RUNX3: variants seen among roughly 807,000 people sequenced by gnomAD.
RUNX3 encodes RUNX family transcription factor 3.
Under a neutral mutation model 27.7 loss-of-function variants are expected in RUNX3, and 10 were observed. The ratio of observed to expected loss-of-function variants is 0.36; its 90% CI spans 0.22 to 0.61. The LOEUF is 0.61. RUNX3 is among the 20% of genes least tolerant of loss of function. RUNX3 has a pLI of 0.72. For synonymous variants in RUNX3, 270 were observed against 269.2 expected, an observed-to-expected ratio of 1.00 and a Z score of -0.03; for missense variants, 469 against 629.5, an observed-to-expected ratio of 0.75 and a Z score of 2.73.
intron 3 of RUNX3, among the ~76,000 whole-genome samples, chr1:24,909,974 C>T (rs531263981): frequency 1.4e-4 from 21 of 152,322 alleles, no homozygotes; most frequent in Non-Finnish European, 1.8e-4. Context: ...GTGGGATTTC[C>T]TGGACCTGGG....
chr1:24,935,529 GA>G (rs977220984), intron 2 of RUNX3, among the ~76,000 whole-genome samples: 2 of 152,202 alleles, frequency 1.3e-5, no homozygotes, highest in African/African-American at 4.8e-5. Context: ...GGGAGGCAAG[GA>G]CGGAGAAAAG....
chr1:24,925,664 A>T (rs1557844757), intron 2 of RUNX3, among the ~76,000 whole-genome samples: 3 of 152,182 alleles, frequency 2.0e-5, no homozygotes. Flanking sequence ...GAGCCTCTGA[A>T]GGCTGAACGC....
upstream of RUNX3, among the ~76,000 whole-genome samples, chr1:24,934,000 G>A (rs1253469700): frequency 2.0e-5 from 3 of 152,162 alleles, no homozygotes; most frequent in Admixed American, 2.0e-4. Context: ...CCCTCACTGA[G>A]CCTCAATTTC....
rs1439658880 is a variant in RUNX3, at chr1:24,904,393, TAAG to T, written c.704-1730_704-1728del. Among the ~76,000 whole-genome samples the T allele has an allele frequency of 2.0e-5, 3 of 152,002 alleles. No individual in the cohort carries two copies. The highest frequency in any genetic ancestry group is 2.1e-4 in the South Asian group (1 of 4,822). Reference sequence around the variant, plus strand: ...ACGGAGTGATGCTCCTGGCTTAAGGTAAGAAGATGTGGGGACAGCAGTCTGGGT... The same window carrying T: ...ACGGAGTGATGCTCCTGGCTTAAGGTAAGATGTGGGGACAGCAGTCTGGGT... On this transcript the variant is annotated intron_variant, in intron 4 of 4. Coordinates refer to ENST00000308873, the MANE Select transcript of RUNX3 (RefSeq NM_004350.3). This position sits in a 1 kb window ranked among gnomAD's most constrained non-coding sequence, Gnocchi z 5.7.
chr1:24,929,410 A>G (rs1293313102), intron 1 of RUNX3, 177 bp downstream of exon 1: 1 of 733,740 alleles, frequency 1.4e-6, no homozygotes, highest in Non-Finnish European at 2.4e-6. Flanking sequence ...GGCGCATCCA[A>G]AACGGAACGC....
chr1:24,902,444 G>T lies in RUNX3; in HGVS notation c.926C>A (p.Pro309Gln), dbSNP rs769885411. 1.2e-6 allele frequency: 2 copies of T among 1,609,028 alleles called. No individual in the cohort carries two copies. Among genetic ancestry groups the T allele is most frequent in the Middle Eastern group, 1.7e-4 (1 of 6,042 alleles). The change falls in exon 5 of 5, where the codon CCG becomes CAG. Residue 309 changes from proline (P) to glutamine (Q), a missense_variant. Pro to Gln is a moderately conservative substitution (Grantham distance 76, BLOSUM62 -1). This residue lies in a region of RUNX3 where 279 missense variants were observed against 343.0 expected (regional missense o/e 0.81). Coordinates refer to ENST00000308873, the MANE Select transcript of RUNX3 (RefSeq NM_004350.3). This position sits in a 1 kb window ranked among gnomAD's most constrained non-coding sequence, Gnocchi z 9.2. ...CTGCGGGGCCCCCGGGTAGGGTGGC[G>T]GGAGGTAGGTATGGTGGAAGCGGCT... ...ATSRFHHTYL[P>Q]PPYPGAPQNQ...
intron 2 of RUNX3, among the ~76,000 whole-genome samples, chr1:24,961,051 C>T (rs1275571920): frequency 1.3e-5 from 2 of 152,186 alleles, no homozygotes; most frequent in Non-Finnish European, 2.9e-5. Context: ...CACGCCTCTA[C>T]TGCAGGATGG....
upstream of RUNX3, among the ~76,000 whole-genome samples, chr1:24,931,825 G>C (rs540296236): frequency 6.6e-6 from 1 of 152,322 alleles, no homozygotes; most frequent in South Asian, 2.1e-4. Context: ...CCCTCAGGCC[G>C]TGTCGAAAGG....
chr1:24,902,210 C>A lies in RUNX3; in HGVS notation c.1160G>T (p.Gly387Val). The A allele has an allele frequency of 6.4e-7, 1 of 1,571,098 alleles. No homozygotes were observed. Among genetic ancestry groups the A allele is most frequent in the Non-Finnish European group, 8.6e-7 (1 of 1,160,076 alleles). The change falls in exon 5 of 5, where the codon GGC becomes GTC. Residue 387 changes from glycine to valine, a missense_variant. Coordinates refer to ENST00000308873, the MANE Select transcript of RUNX3 (RefSeq NM_004350.3). The surrounding 1 kb of genome is among the most constrained non-coding windows in gnomAD (Gnocchi z 9.2). ...GCTGTGGCTGCCGTCGGCCTCCACG[C>A]CATCACTCTGGCCGCCCAGGCTGGG... ...MNPSLGGQSD[G>V]VEADGSHSNS...
chr1:24,946,993 TGGTCTGAG>T (rs1442015770), intron 2 of RUNX3, among the ~76,000 whole-genome samples: 1 of 152,226 alleles, frequency 6.6e-6, no homozygotes, highest in African/African-American at 2.4e-5. Flanking sequence ...GAGGTCACTG[TGGTCTGAG>T]GGTCCTCTGG....
chr1:24,922,782 CAAA>C (rs57671911), intron 2 of RUNX3, among the ~76,000 whole-genome samples: 8 of 21,560 alleles, frequency 3.7e-4, no homozygotes, highest in African/African-American at 7.3e-4. Flanking sequence ...GCCCACAGGG[CAAA>C]AAAAAAAAAA....
At position 24,901,055 on chromosome 1, in the gene RUNX3, T is replaced by A. The variant is rs2124231567; in HGVS notation, c.*1067A>T. On this transcript the variant is annotated 3_prime_UTR_variant, in exon 5 of 5. Transcript: ENST00000308873. ...TTTTTTGTTTTTTTTTTTTTTTTGCTCAGGACTATTTGCTTTCAGAGCACA... is the reference window on the plus strand; with the variant it reads ...TTTTTTGTTTTTTTTTTTTTTTTGCACAGGACTATTTGCTTTCAGAGCACA... The A allele has an allele frequency of 7.2e-6, 1 of 138,196 alleles. No homozygotes were observed. Among genetic ancestry groups the A allele is most frequent in the East Asian group, 2.1e-4 (1 of 4,870 alleles). 8.6% of individuals were successfully genotyped at this position (138,196 alleles called of 1,614,324 possible). A position where few individuals can be genotyped will look rare whatever the true frequency, so the allele number is the denominator to read the frequency against.
intron 2 of RUNX3, among the ~76,000 whole-genome samples, chr1:24,924,374 AG>A (rs1373881335): frequency 6.6e-6 from 1 of 152,186 alleles, no homozygotes; most frequent in African/African-American, 2.4e-5. Context: ...AAAAAGTAAA[AG>A]AAAAAAAAAT....
chr1:24,923,098 C>T lies in RUNX3; in HGVS notation c.440-3754G>A, dbSNP rs962998926. ...ATTTTGCACACAGGTACTAACGTCC[C>T]GCTCCTGAGAAGTGAGAAGCCCCCA... On this transcript the variant is annotated intron_variant, in intron 2 of 4. Coordinates refer to ENST00000308873, the MANE Select transcript of RUNX3 (RefSeq NM_004350.3). This position sits in a 1 kb window ranked among gnomAD's most constrained non-coding sequence, Gnocchi z 5.9. 2.0e-5 allele frequency among the ~76,000 whole-genome samples: 3 copies of T among 152,138 alleles called. No individual in the cohort carries two copies. Among genetic ancestry groups the T allele is most frequent in the South Asian group, 2.1e-4 (1 of 4,828 alleles).
In RUNX3 at chr1:24,904,703, G is replaced by A. The variant is rs559368793; in HGVS notation, c.704-2037C>T. Among the ~76,000 whole-genome samples the A allele has an allele frequency of 6.6e-5, 10 of 152,268 alleles. No homozygotes were observed. In the South Asian group the frequency reaches 1.9e-3, roughly 28 times the overall value. ...CAGGACTGTGCCCCTCAGAGCTCAC[G>A]CGGGCTGCAGGGCGCTGGGCTGGGC... is the stretch of plus-strand genomic sequence containing the variant. On this transcript the variant is annotated intron_variant, in intron 4 of 4. Coordinates refer to ENST00000308873, the MANE Select transcript of RUNX3 (RefSeq NM_004350.3). This position sits in a 1 kb window ranked among gnomAD's most constrained non-coding sequence, Gnocchi z 5.7.
In RUNX3 at chr1:24,961,463, G is replaced by A. The variant is rs115234082; in HGVS notation, c.58+3051C>T. 2.0e-5 allele frequency: 3 copies of A among 152,374 alleles called. 1 individual carries two copies. Among genetic ancestry groups the A allele is most frequent in the Admixed American group, 1.3e-4 (2 of 15,294 alleles). 9.4% of individuals were successfully genotyped at this position (152,374 alleles called of 1,614,324 possible). A position where few individuals can be genotyped will look rare whatever the true frequency, so the allele number is the denominator to read the frequency against. On this transcript the variant is annotated intron_variant, in intron 2 of 6. Transcript: ENST00000338888. Reference sequence around the variant, plus strand: ...GGGAGACAGAGAAGCCCACATAGGAGGCACCAAATGCAACTCACTCGTGCC... The same window carrying A: ...GGGAGACAGAGAAGCCCACATAGGAAGCACCAAATGCAACTCACTCGTGCC...
intron 2 of RUNX3, among the ~76,000 whole-genome samples, chr1:24,936,062 C>T (rs983278050): frequency 1.3e-5 from 2 of 152,342 alleles, no homozygotes; most frequent in Middle Eastern, 3.4e-3. Context: ...AGCCATCAAA[C>T]ACGGACTCTT....
intron 2 of RUNX3, among the ~76,000 whole-genome samples, chr1:24,959,754 C>A (rs1384579022): frequency 2.0e-5 from 3 of 152,158 alleles, no homozygotes; most frequent in Non-Finnish European, 4.4e-5. Flanking sequence ...GCCATTTTGT[C>A]CACCCCCTGC....
chr1:24,925,782 G>C (rs1423951245), intron 2 of RUNX3, among the ~76,000 whole-genome samples: 1 of 152,040 alleles, frequency 6.6e-6, no homozygotes, highest in African/African-American at 2.4e-5. Context: ...ATGAGAGAAT[G>C]GTTTATAAAC....
Sources: allele counts gnomAD v4.1 joint callset (sites outside exome capture counted in the v4.1 genomes callset), GRCh38; gene constraint gnomAD v4.1.1; regional missense constraint gnomAD v4.1.1; non-coding constraint Gnocchi (gnomAD v3.1); transcripts MANE v1.5; gene names NCBI Gene and HGNC (gene_info 2026-07-23, HGNC 2026-07-21).